AAMDC: variants seen among roughly 807,000 people sequenced by gnomAD.
The protein encoded by AAMDC is mth938 domain-containing protein.
AAMDC carries 16 observed loss-of-function variants against 15.5 expected under a neutral mutation model. The observed-to-expected ratio is 1.03, with a 90% CI of 0.70 to 1.57. The LOEUF is 1.57. Among genes scored for constraint, AAMDC ranks in the 40% most tolerant of loss-of-function variants. The pLI is 0.00. For synonymous variants in AAMDC, 51 were observed against 51.6 expected (o/e 0.99, Z 0.05); for missense variants, 141 against 144.9 (o/e 0.97, Z 0.14).
chr11:77,891,090 C>T (rs1591013722), intron 5 of AAMDC, among the ~76,000 whole-genome samples: 1 of 152,306 alleles, frequency 6.6e-6, no homozygotes, highest in East Asian at 1.9e-4. Context: ...TTTATGTCAA[C>T]TCCTCCTATT....
intron 2 of AAMDC, among the ~76,000 whole-genome samples, chr11:77,843,184 C>T (rs1245331587): frequency 6.6e-6 from 1 of 152,146 alleles, no homozygotes; most frequent in Non-Finnish European, 1.5e-5. Flanking sequence ...ACACATTGTT[C>T]TTTTCATTGT....
intron 1 of AAMDC, among the ~76,000 whole-genome samples, chr11:77,833,796 C>T (rs1441622495): frequency 6.6e-6 from 1 of 152,214 alleles, no homozygotes; most frequent in Non-Finnish European, 1.5e-5. Flanking sequence ...TATATTAATA[C>T]TTATCTATCA....
At chr11:77,853,936 G>A (rs963137906) in intron 2 of AAMDC, among the ~76,000 whole-genome samples, 9 of 151,266 alleles carry the variant, frequency 5.9e-5, no homozygotes, top group South Asian at 2.1e-4. Context: ...GTGAGACTCC[G>A]TCTCAAAAAA....
intron 1 of AAMDC, among the ~76,000 whole-genome samples, chr11:77,828,625 C>A (rs965827963): frequency 6.7e-6 from 1 of 148,184 alleles, no homozygotes; most frequent in African/African-American, 2.5e-5. Flanking sequence ...GAGCCAAGAT[C>A]GCACCACTGC....
downstream of AAMDC, chr11:77,901,498 C>T (rs369338302): frequency 6.2e-7 from 1 of 1,612,688 alleles, no homozygotes; most frequent in African/African-American, 1.3e-5. Context: ...TCACCACCTG[C>T]TTATTCTCCA....
intron 5 of AAMDC, among the ~76,000 whole-genome samples, chr11:77,890,328 C>G (rs1413317395): frequency 6.6e-6 from 1 of 152,186 alleles, no homozygotes; most frequent in Non-Finnish European, 1.5e-5. Flanking sequence ...ATCCTTACCT[C>G]CTCCAGGAAG....
downstream of AAMDC, among the ~76,000 whole-genome samples, chr11:77,874,453 CTAAG>C (rs756628996): frequency 5.3e-5 from 8 of 151,598 alleles, no homozygotes; most frequent in African/African-American, 1.5e-4. Flanking sequence ...ATCATTCTTC[CTAAG>C]TGAGTTGTCT....
chr11:77,827,179 A>G (rs1342270398), intron 1 of AAMDC, among the ~76,000 whole-genome samples: 3 of 152,192 alleles, frequency 2.0e-5, no homozygotes, highest in South Asian at 2.1e-4. Flanking sequence ...AAAAAAGCTC[A>G]GATTCAGATG....
At chr11:77,869,683 G>C (rs879187770) in intron 2 of AAMDC, 39 bp from the exon 3 acceptor site, 1 of 1,571,942 alleles carries the variant, frequency 6.4e-7, no homozygotes, top group South Asian at 1.1e-5. Flanking sequence ...ATGAAAGATT[G>C]AGAGCAGGTA....
At chr11:77,857,643 A>C (rs925938647) in intron 2 of AAMDC, among the ~76,000 whole-genome samples, 2 of 150,962 alleles carry the variant, frequency 1.3e-5, no homozygotes, top group African/African-American at 4.9e-5. Context: ...GGTTTGTTAC[A>C]TAGGTATACA....
chr11:77,873,031 G>A (rs1951499056), downstream of AAMDC, among the ~76,000 whole-genome samples: 1 of 152,180 alleles, frequency 6.6e-6, no homozygotes. Flanking sequence ...GATAGTCTTT[G>A]TTCTATTAAA....
At chr11:77,878,963 GT>G (rs1951686633) in intron 5 of AAMDC, 2 of 1,613,840 alleles carry the variant, frequency 1.2e-6, no homozygotes, top group African/African-American at 2.7e-5. Flanking sequence ...CGCCGTGCAG[GT>G]TTGGGCATTA....
At chr11:77,822,320 C>A (rs892631690) in intron 1 of AAMDC, among the ~76,000 whole-genome samples, 3 of 146,298 alleles carry the variant, frequency 2.1e-5, no homozygotes, top group Non-Finnish European at 3.0e-5. Flanking sequence ...GAGGCTGATG[C>A]AGGAGAACCC....
intron 1 of AAMDC, chr11:77,841,090 A>G: frequency 1.5e-6 from 1 of 668,018 alleles, no homozygotes; most frequent in East Asian, 2.7e-5. Flanking sequence ...ATCATCCTAT[A>G]GTGGAAGTCA....
At chr11:77,884,758 T>G (rs1415155167) in intron 5 of AAMDC, 2 of 388,296 alleles carry the variant, frequency 5.2e-6, no homozygotes, top group Non-Finnish European at 1.1e-5. Context: ...CTTCTTTCTT[T>G]CTTTTTTTTT....
At chr11:77,891,526 C>G in intron 5 of AAMDC, 1 of 1,594,864 alleles carries the variant, frequency 6.3e-7, no homozygotes, top group Non-Finnish European at 8.6e-7. Flanking sequence ...GAAAACGCAT[C>G]TTTTTTCTGT....
chr11:77,883,191 A>G (rs1215281887), intron 5 of AAMDC, among the ~76,000 whole-genome samples: 1 of 152,196 alleles, frequency 6.6e-6, no homozygotes, highest in Non-Finnish European at 1.5e-5. Context: ...TGGTGGCATT[A>G]AACACCTCCA....
At chr11:77,835,074 C>G (rs961258923) in intron 1 of AAMDC, among the ~76,000 whole-genome samples, 3 of 152,160 alleles carry the variant, frequency 2.0e-5, no homozygotes, top group Non-Finnish European at 4.4e-5. Flanking sequence ...CCCTTGAAAT[C>G]TCTACTTTTA....
At chr11:77,827,259 A>C (rs373274969) in intron 1 of AAMDC, among the ~76,000 whole-genome samples, 1 of 152,358 alleles carries the variant, frequency 6.6e-6, no homozygotes, top group South Asian at 2.1e-4. Context: ...TCATACCAAA[A>C]ACTAGAAGAG....
Sources: allele counts gnomAD v4.1 joint callset (sites outside exome capture counted in the v4.1 genomes callset), GRCh38; gene constraint gnomAD v4.1.1; transcripts MANE v1.5; gene names NCBI Gene and HGNC (gene_info 2026-07-23, HGNC 2026-07-21).